ACAP1: variants seen among roughly 807,000 people sequenced by gnomAD.
The protein encoded by ACAP1 is arf-GAP with coiled-coil, ANK repeat and PH domain-containing protein 1.
A neutral mutation model predicts 98.8 loss-of-function variants in ACAP1; 45 were observed. The observed-to-expected ratio is 0.46, with a 90% CI of 0.36 to 0.58. ACAP1 has a LOEUF of 0.58. ACAP1 is among the 20% of genes least tolerant of loss of function. The pLI is 0.00. For missense variants in ACAP1, 735 were observed against 971.4 expected (o/e 0.76, Z 3.24); for synonymous variants, 362 against 375.3 (o/e 0.96, Z 0.41).
intron 2 of ACAP1, among the ~76,000 whole-genome samples, chr17:7,339,159 A>G (rs954297876): frequency 3.9e-5 from 6 of 152,052 alleles, no homozygotes; most frequent in Non-Finnish European, 7.4e-5. Flanking sequence ...GTGTGGCGGC[A>G]GGCGCCTGTA....
At chr17:7,341,240 TC>T (rs1169271839) in intron 2 of ACAP1, among the ~76,000 whole-genome samples, 1 of 152,142 alleles carries the variant, frequency 6.6e-6, no homozygotes, top group Non-Finnish European at 1.5e-5. Flanking sequence ...AGCCTTGACC[TC>T]CCGGATTCAG....
rs1260599220 is a variant in ACAP1, at chr17:7,350,246, G to A, written c.2072+9G>A. ...GCTGACATCGTCACCCTGTAAGAAT[G>A]CCTGAAGGGGCGGGGCTGGCGCTGG... On this transcript the variant is annotated intron_variant, in intron 20 of 21. Transcript: ENST00000158762. This position sits in a 1 kb window ranked among gnomAD's most constrained non-coding sequence, Gnocchi z 4.6. 19 of 1,611,370 alleles carry A rather than the reference G, an allele frequency of 1.2e-5. No individual in the cohort carries two copies. Among genetic ancestry groups the A allele is most frequent in the Non-Finnish European group, 1.6e-5 (19 of 1,177,884 alleles).
intron 2 of ACAP1, among the ~76,000 whole-genome samples, chr17:7,338,812 G>C (rs1359189504): frequency 1.3e-5 from 2 of 151,400 alleles, no homozygotes; most frequent in Non-Finnish European, 2.9e-5. Context: ...CTCCCAAAGT[G>C]CTGGAATTAC....
At position 7,351,344 on chromosome 17, in the gene ACAP1, A is replaced by G. The variant is rs1047628319; in HGVS notation, c.2172A>G (p.Ser724=). ...TCCGCGACTTCTCCCTCATGGCGTC[A>G]GACGACCCGGAGAAGCTGAGCCGTC... The part of the protein sequence containing the change: ...DIFRDFSLMA[S]DDPEKLSRRS... The change falls in exon 22 of 22, where the codon TCA becomes TCG. Residue 724 remains serine, a synonymous_variant. Transcript: ENST00000158762. 3 of 1,613,844 alleles carry G rather than the reference A, an allele frequency of 1.9e-6. No individual in the cohort carries two copies. The highest frequency in any genetic ancestry group is 2.5e-6 in the Non-Finnish European group (3 of 1,179,844).
chr17:7,338,646 C>T (rs1348397292), intron 2 of ACAP1, among the ~76,000 whole-genome samples: 1 of 152,050 alleles, frequency 6.6e-6, no homozygotes, highest in South Asian at 2.1e-4. Flanking sequence ...CTCAAGTGAT[C>T]CTCCCTCCTC....
Position 7,350,275 on chromosome 17 carries a change from T to C in ACAP1, c.2072+38T>C. ...GAAGGGGCGGGGCTGGCGCTGGGAC[T>C]CCCCCCACCCCCGCCCACCCACGTT... On this transcript the variant is annotated intron_variant, in intron 20 of 21. Coordinates refer to ENST00000158762, the MANE Select transcript of ACAP1 (RefSeq NM_014716.4). This position sits in a 1 kb window ranked among gnomAD's most constrained non-coding sequence, Gnocchi z 4.6. The C allele has an allele frequency of 7.0e-7, 1 of 1,436,384 alleles. No individual in the cohort carries two copies. The highest frequency in any genetic ancestry group is 9.6e-7 in the Non-Finnish European group (1 of 1,037,596). The allele number at this position is 1,436,384 out of a possible 1,614,324, so 89.0% of individuals were successfully genotyped here.
rs1471746943 is a variant in ACAP1, at chr17:7,343,957, G to A, written c.669+1G>A. On this transcript the variant is annotated splice_donor_variant, in intron 8 of 21. Transcript: ENST00000158762. LOFTEE classifies it high-confidence loss of function. This position sits in a 1 kb window ranked among gnomAD's most constrained non-coding sequence, Gnocchi z 4.9. ...GTATCGAAAGGAGCTGGGCGCCCAG[G>A]TGGGGCCCCAGGGCACAGCAGGTGG... 3 of 1,586,412 alleles carry A rather than the reference G, an allele frequency of 1.9e-6. No individual in the cohort carries two copies. In the South Asian group the frequency reaches 3.4e-5, roughly 18 times the overall value.
chr17:7,346,128 C>CAGTCAGCCCA, intron 10 of ACAP1, 116 bp from the exon 11 acceptor site: 1 of 908,666 alleles, frequency 1.1e-6, no homozygotes, highest in Non-Finnish European at 1.8e-6. Flanking sequence ...TCTCGTGGAA[C>CAGTCAGCCCA]AGTCAGCCCA....
At position 7,336,725 on chromosome 17, in the gene ACAP1, GCAAGCTGAGATGACGGT is replaced by G; in HGVS notation, c.-2_15del. ...CCAGGGCCCGCTGGCCCCACAGCAGGCAAGCTGAGATGACGGTCAAGCTGGATTTCGAGGAGTGTCTC... is the reference window on the plus strand; with the variant it reads ...CCAGGGCCCGCTGGCCCCACAGCAGGCAAGCTGGATTTCGAGGAGTGTCTC... On this transcript the variant is annotated start_lost and 5_prime_UTR_variant, in exon 1 of 22. Coordinates refer to ENST00000158762, the MANE Select transcript of ACAP1 (RefSeq NM_014716.4). 1 of 1,613,858 alleles carries G rather than the reference GCAAGCTGAGATGACGGT, an allele frequency of 6.2e-7. No individual in the cohort carries two copies. The highest frequency in any genetic ancestry group is 8.5e-7 in the Non-Finnish European group (1 of 1,179,828).
Position 7,343,675 on chromosome 17 carries a change from G to C in ACAP1, c.529-31G>C. The C allele has an allele frequency of 6.2e-7, 1 of 1,610,422 alleles. No homozygotes were observed. Among genetic ancestry groups the C allele is most frequent in the Non-Finnish European group, 8.5e-7 (1 of 1,177,664 alleles). On this transcript the variant is annotated intron_variant, in intron 6 of 21. Coordinates refer to ENST00000158762, the MANE Select transcript of ACAP1 (RefSeq NM_014716.4). The surrounding 1 kb of genome is among the most constrained non-coding windows in gnomAD (Gnocchi z 4.9). The stretch of plus-strand genomic sequence containing the variant: ...GTGCTGTGTCTTCAAGACTGATCTG[G>C]GGTTTTTTACGTCCTCTTTTACGTC...
Position 7,343,475 on chromosome 17 carries a change from C to T in ACAP1, c.441C>T (p.Arg147=). 1 of 1,614,120 alleles carries T rather than the reference C, an allele frequency of 6.2e-7. No individual in the cohort carries two copies. The highest frequency in any genetic ancestry group is 8.5e-7 in the Non-Finnish European group (1 of 1,180,008). ...ALTHNAEVPR[R]RAQEAEEAGA... ...CCCACAACGCAGAGGTTCCCAGGCG[C>T]CGGGCCCAGGAGGCAGAAGAGGCAG... The change falls in exon 6 of 22, where the codon CGC becomes CGT. Residue 147 remains arginine (R), a synonymous_variant. Transcript: ENST00000158762. The surrounding 1 kb of genome is among the most constrained non-coding windows in gnomAD (Gnocchi z 4.9).
At chr17:7,347,378 AC>A in intron 14 of ACAP1, 136 bp downstream of exon 14, 2 of 930,180 alleles carry the variant, frequency 2.2e-6, no homozygotes, top group Non-Finnish European at 3.1e-6. Context: ...GTCACTGGGT[AC>A]CAGGCCTGGG....
intron 16 of ACAP1, 34 bp from the exon 17 acceptor site, chr17:7,348,272 A>T: frequency 6.2e-7 from 1 of 1,608,996 alleles, no homozygotes; most frequent in Non-Finnish European, 8.5e-7. Context: ...CTGGAGCAGA[A>T]GAGGGAAGAC....
intron 10 of ACAP1, 89 bp from the exon 11 acceptor site, chr17:7,346,155 G>C: frequency 7.8e-7 from 1 of 1,277,070 alleles, no homozygotes. Flanking sequence ...TGTCCTCTCA[G>C]TAAGATCCTC....
In ACAP1 at chr17:7,348,385, A is replaced by G. The variant is rs1349085056; in HGVS notation, c.1588A>G (p.Arg530Gly). The part of the protein sequence containing the change: ...LTKLPEIRGR[R>G]GGRGRPRGQP... ...CAAGCTGCCTGAGATTCGAGGGCGAAGAGGTGGCCGGGGGCGCCCAAGGGG... is the reference window on the plus strand; with the variant it reads ...CAAGCTGCCTGAGATTCGAGGGCGAGGAGGTGGCCGGGGGCGCCCAAGGGG... Residue 530 changes from arginine (R) to glycine (G), a missense_variant, in exon 17 of 22, where the codon AGA (arginine) becomes GGA (glycine). Arg to Gly is a moderately radical substitution (Grantham distance 125). This residue lies in a region of ACAP1 where 80 missense variants were observed against 64.4 expected (regional missense o/e 1.24). Transcript: ENST00000158762. 3 of 1,570,132 alleles carry G rather than the reference A, an allele frequency of 1.9e-6. No individual in the cohort carries two copies. The highest frequency in any genetic ancestry group is 1.7e-6 in the Non-Finnish European group (2 of 1,156,640).
Position 7,344,494 on chromosome 17 carries a change from G to T in ACAP1, c.745-45G>T. ...CAGGAGGCAGATGCCTATGGCCTTG[G>T]TGTCTGCCCATCTCAGTTGCCCTTT... On this transcript the variant is annotated intron_variant, in intron 9 of 21. Transcript: ENST00000158762. The surrounding 1 kb of genome is among the most constrained non-coding windows in gnomAD (Gnocchi z 4.9). 7.1e-7 allele frequency: 1 copy of T among 1,400,136 alleles called. No homozygotes were observed. Among genetic ancestry groups the T allele is most frequent in the Non-Finnish European group, 9.9e-7 (1 of 1,010,528 alleles). The allele number at this position is 1,400,136 out of a possible 1,614,324, so 86.7% of individuals were successfully genotyped here.
At position 7,342,485 on chromosome 17, in the gene ACAP1, G is replaced by A. The variant is rs1352947006; in HGVS notation, c.344+11G>A. On this transcript the variant is annotated intron_variant, in intron 5 of 21. Coordinates refer to ENST00000158762, the MANE Select transcript of ACAP1 (RefSeq NM_014716.4). ...GACCCTGGTCAAGGAGTGAGATGGG[G>A]CCGGGCGCAGTGGCTCATGCCTGTA... 2 of 1,613,822 alleles carry A rather than the reference G, an allele frequency of 1.2e-6. No homozygotes were observed. The highest frequency in any genetic ancestry group is 1.7e-6 in the Non-Finnish European group (2 of 1,179,880).
rs369700015 is a variant in ACAP1, at chr17:7,346,951, C to G, written c.1131+20C>G. On this transcript the variant is annotated intron_variant, in intron 13 of 21. Coordinates refer to ENST00000158762, the MANE Select transcript of ACAP1 (RefSeq NM_014716.4). Reference sequence around the variant, plus strand: ...GGCCAGGTACCTTAACCTGGGGGTGCGGAGCCAGGCTGCCTGTGGAGATGG... The same window carrying G: ...GGCCAGGTACCTTAACCTGGGGGTGGGGAGCCAGGCTGCCTGTGGAGATGG... 1 of 1,600,164 alleles carries G rather than the reference C, an allele frequency of 6.2e-7. No individual in the cohort carries two copies. Among genetic ancestry groups the G allele is most frequent in the Admixed American group, 1.7e-5 (1 of 58,932 alleles).
Position 7,344,622 on chromosome 17 carries a change from C to G in ACAP1, c.828C>G (p.Ala276=). 1 of 1,551,278 alleles carries G rather than the reference C, an allele frequency of 6.4e-7. No individual in the cohort carries two copies. Among genetic ancestry groups the G allele is most frequent in the South Asian group, 1.2e-5 (1 of 84,050 alleles). Residue 276 remains alanine, a synonymous_variant, in exon 10 of 22, where the codon GCC becomes GCG. Transcript: ENST00000158762. This position sits in a 1 kb window ranked among gnomAD's most constrained non-coding sequence, Gnocchi z 4.9. The part of the protein sequence containing the change: ...LVMEGHLFKR[A]SNAFKTWSRR... ...TGGAAGGACATCTCTTCAAACGGGC[C>G]AGCAACGCATTTAAGACCTGGAGCA...
Sources: allele counts gnomAD v4.1 joint callset (sites outside exome capture counted in the v4.1 genomes callset), GRCh38; gene constraint gnomAD v4.1.1; regional missense constraint gnomAD v4.1.1; non-coding constraint Gnocchi (gnomAD v3.1); transcripts MANE v1.5; gene names NCBI Gene and HGNC (gene_info 2026-07-23, HGNC 2026-07-21).